Variants in RARB observed in about 807,000 individuals in gnomAD.
RARB encodes HBV-activated protein.
Under a neutral mutation model 51.9 loss-of-function variants are expected in RARB, and 17 were observed. The ratio of observed to expected loss-of-function variants is 0.33; its 90% confidence interval spans 0.22 to 0.49. RARB has a LOEUF of 0.49. Among genes scored for constraint, RARB ranks in the 20% least tolerant of loss-of-function variants. The probability of loss-of-function intolerance (pLI) is 0.99; values close to 1 mark genes in which losing one functional copy is unlikely to be tolerated. For synonymous variants in RARB, 215 were observed against 195.4 expected (o/e 1.10, Z -0.84); for missense variants, 369 against 550.8 (o/e 0.67, Z 3.30).
At chr3:25,277,288 G>A (rs778623785) in intron 5 of RARB, among the ~76,000 whole-genome samples, 6 of 152,140 alleles carry the variant, frequency 3.9e-5, no homozygotes, top group East Asian at 1.9e-4. Flanking sequence ...ACCTAGCAGC[G>A]TAGCCTGGGA....
rs114714481 is a variant in RARB, at chr3:25,108,537, C to A, written c.-327-23624C>A. On this transcript the variant is annotated intron_variant, in intron 3 of 11. Coordinates refer to the RARB transcript ENST00000383772. ...GACCAGATCAGGAAGTGCCATACAT[C>A]ACTCGTAATCCTATTGGTTAGGACT... 3.6e-3 allele frequency among the ~76,000 whole-genome samples: 547 copies of A among 152,220 alleles called. 2 individuals carry two copies. The highest frequency in any genetic ancestry group is 5.6e-3 in the Admixed American group (85 of 15,298).
intron 2 of RARB, among the ~76,000 whole-genome samples, chr3:24,947,105 A>G (rs944366606): frequency 3.9e-5 from 6 of 152,210 alleles, no homozygotes; most frequent in Non-Finnish European, 7.3e-5. Context: ...GAAGCATATG[A>G]TGAGCTTTTC....
At position 25,213,172 on chromosome 3, in the gene RARB, C is replaced by G. The variant is rs117593059; in HGVS notation, c.178+38597C>G. 1.1e-4 allele frequency among the ~76,000 whole-genome samples: 16 copies of G among 152,002 alleles called. No homozygotes were observed. The East Asian group carries it at 3.1e-3, about 29-fold the overall frequency. ...TCACTGGTGTACATAATGCTTGGGT[C>G]AAAAAAGAGAAAATTACCAGCACCT... On this transcript the variant is annotated intron_variant, in intron 5 of 11. Transcript: ENST00000383772.
chr3:25,285,622 C>T (rs1703631596), intron 5 of RARB, among the ~76,000 whole-genome samples: 1 of 152,016 alleles, frequency 6.6e-6, no homozygotes, highest in Non-Finnish European at 1.5e-5. Context: ...AGGTGATGAC[C>T]AAGGGTTGGA....
chr3:25,480,139 C>A (rs994176347), intron 2 of RARB, among the ~76,000 whole-genome samples: 3 of 152,150 alleles, frequency 2.0e-5, no homozygotes, highest in Admixed American at 1.3e-4. Flanking sequence ...AATCACATAG[C>A]CTGGGTTCAA....
chr3:24,924,841 T>G (rs1372055625), intron 2 of RARB, among the ~76,000 whole-genome samples: 1 of 152,106 alleles, frequency 6.6e-6, no homozygotes, highest in Admixed American at 6.6e-5. Flanking sequence ...GTAATACCCC[T>G]TATCCTTACA....
intron 5 of RARB, among the ~76,000 whole-genome samples, chr3:25,195,169 C>G (rs149033040): frequency 1.3e-5 from 2 of 151,968 alleles, no homozygotes; most frequent in African/African-American, 4.8e-5. Flanking sequence ...TGCCCATCCT[C>G]TCTGTAGGTC....
intron 2 of RARB, among the ~76,000 whole-genome samples, chr3:25,019,538 G>A (rs1697584012): frequency 6.6e-6 from 1 of 151,950 alleles, no homozygotes; most frequent in Admixed American, 6.6e-5. Flanking sequence ...TGTAGCTCAA[G>A]GTTCAGAAAG....
At chr3:25,562,411 A>G (rs1000739682) in intron 3 of RARB, among the ~76,000 whole-genome samples, 1 of 152,130 alleles carries the variant, frequency 6.6e-6, no homozygotes, top group Non-Finnish European at 1.5e-5. Context: ...GCTCTTATTC[A>G]TATTGGGTAG....
At chr3:25,327,650 T>C (rs1416218769) in intron 5 of RARB, among the ~76,000 whole-genome samples, 2 of 152,182 alleles carry the variant, frequency 1.3e-5, no homozygotes, top group Non-Finnish European at 2.9e-5. Flanking sequence ...ATTAGGCAGT[T>C]AACTCTGAAA....
intron 5 of RARB, among the ~76,000 whole-genome samples, chr3:25,254,504 C>A (rs904583870): frequency 2.3e-4 from 35 of 152,094 alleles, no homozygotes; most frequent in African/African-American, 8.0e-4. Flanking sequence ...ATGGAACTCA[C>A]ACTGAAACAA....
At chr3:25,491,220 T>C (rs1167056672) in intron 2 of RARB, among the ~76,000 whole-genome samples, 1 of 152,194 alleles carries the variant, frequency 6.6e-6, no homozygotes, top group Non-Finnish European at 1.5e-5. Flanking sequence ...AAGGAAATTT[T>C]ATCTAGTTTC....
At chr3:24,893,046 G>A (rs1183078174) in intron 2 of RARB, among the ~76,000 whole-genome samples, 1 of 152,184 alleles carries the variant, frequency 6.6e-6, no homozygotes, top group Non-Finnish European at 1.5e-5. Flanking sequence ...TAATACTAGG[G>A]TGATGTTTAG....
At chr3:25,465,037 A>G (rs1311821312) in intron 2 of RARB, among the ~76,000 whole-genome samples, 1 of 152,170 alleles carries the variant, frequency 6.6e-6, no homozygotes, top group African/African-American at 2.4e-5. Context: ...ATCTCTGAAA[A>G]TTTCCTTAGG....
At chr3:25,353,026 C>G (rs1486790481) in intron 5 of RARB, among the ~76,000 whole-genome samples, 1 of 152,292 alleles carries the variant, frequency 6.6e-6, no homozygotes, top group Non-Finnish European at 1.5e-5. Context: ...TAGTTGTGCA[C>G]CTCTTATGTG....
intron 2 of RARB, among the ~76,000 whole-genome samples, chr3:24,900,410 C>A (rs1026051730): frequency 9.2e-5 from 14 of 152,230 alleles, no homozygotes; most frequent in Non-Finnish European, 1.6e-4. Flanking sequence ...TTCCATTTTA[C>A]AATCGATTCT....
chr3:25,222,248 C>T (rs1263418769), intron 5 of RARB, among the ~76,000 whole-genome samples: 2 of 152,134 alleles, frequency 1.3e-5, no homozygotes, highest in Non-Finnish European at 2.9e-5. Context: ...TAATTGAGCC[C>T]TATCTCCTTC....
intron 2 of RARB, among the ~76,000 whole-genome samples, chr3:25,475,558 CAG>C (rs1179872541): frequency 6.6e-6 from 1 of 152,006 alleles, no homozygotes; most frequent in East Asian, 1.9e-4. Context: ...GAAAAAATAA[CAG>C]AAAAATTTTG....
At position 25,203,604 on chromosome 3, in the gene RARB, G is replaced by T. The variant is rs970754507; in HGVS notation, c.178+29029G>T. Among the ~76,000 whole-genome samples the T allele has an allele frequency of 6.6e-5, 10 of 152,160 alleles. No homozygotes were observed. The South Asian group carries it at 1.7e-3, about 25-fold the overall frequency. On this transcript the variant is annotated intron_variant, in intron 5 of 11. Transcript: ENST00000383772. ...CTTTCCATGTTTAGTGCTTCCTTCAGGAGCTCTTGTAGGGCAGGCCTGGTG... is the reference window on the plus strand; with the variant it reads ...CTTTCCATGTTTAGTGCTTCCTTCATGAGCTCTTGTAGGGCAGGCCTGGTG...
Sources: gnomAD v4.1 joint callset for allele counts (sites outside exome capture counted in the v4.1 genomes callset) on GRCh38, gnomAD v4.1.1 for gene constraint, MANE v1.5 for transcripts, NCBI Gene and HGNC (gene_info 2026-07-23, HGNC 2026-07-21) for gene names.